The following CDH13 variants were observed in gnomAD, a reference collection of about 807,000 sequenced individuals.
CDH13 encodes the protein cadherin 13, also known as cadherin-13.
CDH13 carries 24 observed loss-of-function variants against 63.8 expected under a neutral mutation model. That is an observed-to-expected ratio of 0.38 (90% CI 0.27 to 0.53). CDH13 has a LOEUF of 0.53. CDH13 is among the 20% of genes least tolerant of loss of function. CDH13 has a pLI of 0.85. For missense variants in CDH13, 1,049 were observed against 903.1 expected, an observed-to-expected ratio of 1.16 and a Z score of -2.07; for synonymous variants, 503 against 355.3, an observed-to-expected ratio of 1.42 and a Z score of -4.67.
intron 3 of CDH13, among the ~76,000 whole-genome samples, chr16:83,067,833 C>T (rs1481481423): frequency 6.6e-6 from 1 of 152,170 alleles, no homozygotes; most frequent in Non-Finnish European, 1.5e-5. Flanking sequence ...CTTCTTCTCT[C>T]TGGCCTCTAG....
chr16:83,429,415 A>T (rs750747337), intron 6 of CDH13, among the ~76,000 whole-genome samples: 1 of 152,046 alleles, frequency 6.6e-6, no homozygotes, highest in Non-Finnish European at 1.5e-5. Context: ...TTCAGTCTGG[A>T]TTTTATTCAT....
intron 6 of CDH13, among the ~76,000 whole-genome samples, chr16:83,379,909 A>ATATGTGTG (rs372293088): frequency 5.8e-4 from 72 of 123,906 alleles, no homozygotes; most frequent in South Asian, 2.4e-3. Flanking sequence ...TGTATTATAT[A>ATATGTGTG]TGTGTGTGTG....
At chr16:83,274,571 A>ATTCTGTCTT (rs1045569580) in intron 5 of CDH13, among the ~76,000 whole-genome samples, 2 of 152,140 alleles carry the variant, frequency 1.3e-5, no homozygotes, top group African/African-American at 4.8e-5. Context: ...CAAGAAAGGG[A>ATTCTGTCTT]TTCTGTCTTT....
chr16:83,296,096 A>G (rs2089590443), intron 5 of CDH13, among the ~76,000 whole-genome samples: 1 of 152,168 alleles, frequency 6.6e-6, no homozygotes, highest in African/African-American at 2.4e-5. Flanking sequence ...CACAGGGTAA[A>G]TTTCTCTGAC....
intron 1 of CDH13, among the ~76,000 whole-genome samples, chr16:82,760,451 AAAAATT>A (rs2034790094): frequency 6.6e-6 from 1 of 152,128 alleles, no homozygotes; most frequent in Admixed American, 6.5e-5. Flanking sequence ...AGACCAACTG[AAAAATT>A]TTGTACTTTT....
At chr16:82,776,639 A>T (rs1356855357) in intron 1 of CDH13, among the ~76,000 whole-genome samples, 1 of 152,196 alleles carries the variant, frequency 6.6e-6, no homozygotes, top group Non-Finnish European at 1.5e-5. Context: ...AGTTAAACGC[A>T]TGTTCTGTTT....
At chr16:82,717,434 TAAA>T (rs5818399) in intron 1 of CDH13, among the ~76,000 whole-genome samples, 1,888 of 122,934 alleles carry the variant, frequency 0.015, 38 homozygotes, top group African/African-American at 0.04. Flanking sequence ...AGACTTTGCC[TAAA>T]AAAAAAAAAA....
intron 8 of CDH13, among the ~76,000 whole-genome samples, chr16:83,609,586 G>A (rs899206933): frequency 2.0e-5 from 3 of 152,110 alleles, no homozygotes; most frequent in African/African-American, 7.2e-5. Flanking sequence ...TTTATTTCTT[G>A]TGTTAGAAAT....
intron 7 of CDH13, among the ~76,000 whole-genome samples, chr16:83,571,621 T>C (rs960362900): frequency 6.6e-6 from 1 of 152,156 alleles, no homozygotes; most frequent in Non-Finnish European, 1.5e-5. Flanking sequence ...CACTCCTTAA[T>C]GTAACGCTGG....
At chr16:83,297,513 T>A (rs766156535) in intron 5 of CDH13, among the ~76,000 whole-genome samples, 1 of 152,118 alleles carries the variant, frequency 6.6e-6, no homozygotes, top group Admixed American at 6.6e-5. Flanking sequence ...CTAACTTATC[T>A]CTCATGCACC....
chr16:83,254,307 T>C (rs1320073282), intron 5 of CDH13, among the ~76,000 whole-genome samples: 1 of 152,156 alleles, frequency 6.6e-6, no homozygotes, highest in African/African-American at 2.4e-5. Context: ...TTCCTTAAAA[T>C]GAGATTCAGG....
rs568672181 is a variant in CDH13 at position 83,744,197 on chromosome 16, A to C, written c.1539-3911A>C. Among the ~76,000 whole-genome samples, 193 of 152,228 alleles carry C rather than the reference A, an allele frequency of 1.3e-3. 1 individual carries two copies. Among genetic ancestry groups the C allele is most frequent in the African/African-American group, 4.4e-3 (184 of 41,548 alleles). ...CCTGACACCAAGGAGCTTAGAGTTT[A>C]GTGGAGATGGCAGAGCCGTCAGGGC... On this transcript the variant is annotated intron_variant, in intron 10 of 13. Transcript: ENST00000567109.
At chr16:82,661,738 C>T (rs1384523706) in intron 1 of CDH13, among the ~76,000 whole-genome samples, 1 of 152,212 alleles carries the variant, frequency 6.6e-6, no homozygotes, top group African/African-American at 2.4e-5. Flanking sequence ...CCAGACTTAG[C>T]AGAGAACACG....
At chr16:82,789,884 C>T (rs1043547071) in intron 1 of CDH13, among the ~76,000 whole-genome samples, 1 of 152,124 alleles carries the variant, frequency 6.6e-6, no homozygotes, top group Admixed American at 6.5e-5. Flanking sequence ...GCATTGTGGG[C>T]ACGCTCCTGC....
At chr16:83,315,560 C>A (rs1239378611) in intron 5 of CDH13, among the ~76,000 whole-genome samples, 2 of 151,452 alleles carry the variant, frequency 1.3e-5, no homozygotes, top group African/African-American at 4.9e-5. Flanking sequence ...GCACATAGTT[C>A]ATCACCAATT....
chr16:83,739,784 A>G (rs1268227022), intron 10 of CDH13: 5 of 151,940 alleles, frequency 3.3e-5, no homozygotes. Flanking sequence ...GAAGGTTTCT[A>G]CTCTCATTCA....
chr16:83,707,727 T>A (rs1418685529), intron 10 of CDH13, among the ~76,000 whole-genome samples: 1 of 150,540 alleles, frequency 6.6e-6, no homozygotes, highest in South Asian at 2.1e-4. Context: ...TAAAAAGTCA[T>A]TGAGTGAACA....
chr16:82,653,127 A>C (rs766312038), intron 1 of CDH13, among the ~76,000 whole-genome samples: 63 of 152,228 alleles, frequency 4.1e-4, no homozygotes, highest in Middle Eastern at 3.4e-3. Context: ...CCATTTTGTT[A>C]ATTTACCTTT....
intron 3 of CDH13, among the ~76,000 whole-genome samples, chr16:83,061,476 T>C (rs1011168860): frequency 6.6e-6 from 1 of 152,152 alleles, no homozygotes; most frequent in Admixed American, 6.5e-5. Flanking sequence ...AACTGGCAGG[T>C]CCAGATACAG....
Sources: allele counts gnomAD v4.1 joint callset (sites outside exome capture counted in the v4.1 genomes callset), GRCh38; gene constraint gnomAD v4.1.1; transcripts MANE v1.5; gene names NCBI Gene and HGNC (gene_info 2026-07-23, HGNC 2026-07-21).